Variants in INTS6L observed in about 807,000 individuals in gnomAD.
INTS6L encodes integrator complex subunit 6-like.
INTS6L carries 18 observed loss-of-function variants against 64.7 expected under a neutral mutation model. The observed-to-expected ratio is 0.28, with a 90% CI of 0.19 to 0.41. The LOEUF (loss-of-function observed/expected upper bound fraction) is 0.41, where lower values mean the gene tolerates loss of function less well. Among genes scored for constraint, INTS6L ranks in the 10% least tolerant of loss-of-function variants. The pLI is 1.00. For missense variants in INTS6L, 533 were observed against 661.0 expected (o/e 0.81, Z 2.12); for synonymous variants, 227 against 235.9 (o/e 0.96, Z 0.34).
In INTS6L at chrX:135,574,082, C is replaced by CT. The variant is rs781864864; in HGVS notation, c.1741+35dup. 0.061 allele frequency: 55,231 copies of CT among 900,651 alleles called. 76 individuals are homozygous for CT. Among genetic ancestry groups the CT allele is most frequent in the African/African-American group, 0.099 (4,508 of 45,515 alleles). 74.2% of individuals were successfully genotyped at this position (900,651 alleles called of 1,213,427 possible). On this transcript the variant is annotated intron_variant, in intron 13 of 17. Coordinates refer to ENST00000639893, the MANE Select transcript of INTS6L (RefSeq NM_001351601.3). ...ATGAAGGTAAAATAACTGTGAAATA[C>CT]TTTTTTTTTTTTTTTGGAAAATGCC...
intron 2 of INTS6L, among the ~76,000 whole-genome samples, chrX:135,538,782 G>C (rs1176821628): frequency 8.9e-6 from 1 of 112,455 alleles, no homozygotes; most frequent in Non-Finnish European, 1.9e-5. Flanking sequence ...TGTTGTGTTA[G>C]CAGGCATGAC....
At chrX:135,571,655 A>G (rs1333056536) in intron 11 of INTS6L, 2 of 111,655 alleles carry the variant, frequency 1.8e-5, no homozygotes, top group Non-Finnish European at 3.8e-5. Context: ...CTGCTAATAG[A>G]TTTTTTGTGG....
intron 15 of INTS6L, among the ~76,000 whole-genome samples, chrX:135,579,150 C>T (rs2087307736): frequency 8.9e-6 from 1 of 111,947 alleles, no homozygotes; most frequent in Non-Finnish European, 1.9e-5. Flanking sequence ...GGGCAGGGAA[C>T]GTTGCTCTGG....
chrX:135,581,923 A>G lies in INTS6L; in HGVS notation c.*287A>G. 4.4e-6 allele frequency: 1 copy of G among 228,555 alleles called. No homozygotes were observed. Among genetic ancestry groups the G allele is most frequent in the South Asian group, 7.6e-5 (1 of 13,097 alleles). The allele number at this position is 228,555 out of a possible 1,213,427, so 18.8% of individuals were successfully genotyped here. A position where few individuals can be genotyped will look rare whatever the true frequency, so the allele number is the denominator to read the frequency against. On this transcript the variant is annotated 3_prime_UTR_variant, in exon 18 of 18. Transcript: ENST00000639893. ...AAACACCACTGCCCCTACCACGGGT[A>G]ATGAGAGGTCACTCACTTGAACTTT...
chrX:135,555,844 C>T (rs1001296512), intron 8 of INTS6L, among the ~76,000 whole-genome samples: 2 of 111,185 alleles, frequency 1.8e-5, no homozygotes, highest in Middle Eastern at 4.6e-3. Flanking sequence ...CGTGCCACCA[C>T]ACTTGGCTAA....
At chrX:135,551,721 G>A (rs781862283) in intron 7 of INTS6L, among the ~76,000 whole-genome samples, 1 of 110,737 alleles carries the variant, frequency 9.0e-6, no homozygotes, top group African/African-American at 3.3e-5. Context: ...ATTCAAAACA[G>A]TTTTTTTTCA....
At chrX:135,530,566 C>T (rs1476644707) in intron 2 of INTS6L, among the ~76,000 whole-genome samples, 1 of 112,358 alleles carries the variant, frequency 8.9e-6, no homozygotes, top group African/African-American at 3.2e-5. Context: ...TCCACAGTAG[C>T]CATTTGTTTT....
At chrX:135,576,807 G>A (rs782033992) in intron 14 of INTS6L, among the ~76,000 whole-genome samples, 211 of 112,629 alleles carry the variant, frequency 1.9e-3, no homozygotes, top group Non-Finnish European at 3.3e-3. Context: ...CCCTTATGAA[G>A]AGTTGATGCA....
intron 9 of INTS6L, among the ~76,000 whole-genome samples, chrX:135,561,647 T>C (rs1411823175): frequency 1.8e-5 from 2 of 112,622 alleles, no homozygotes; most frequent in East Asian, 5.5e-4. Context: ...TGAGTGAAAC[T>C]ATCTGGTTCT....
chrX:135,556,042 C>A, intron 8 of INTS6L, 126 bp from the exon 9 acceptor site: 1 of 701,889 alleles, frequency 1.4e-6, no homozygotes, highest in Non-Finnish European at 2.0e-6. Flanking sequence ...AGGCTAAAAA[C>A]ACTATTGCTA....
At chrX:135,570,176 A>G in intron 10 of INTS6L, 1 of 233,261 alleles carries the variant, frequency 4.3e-6, no homozygotes, top group East Asian at 7.1e-5. Context: ...TGATTTGGGA[A>G]ATAAGATTGA....
At chrX:135,521,798 C>T (rs1162001661) in intron 2 of INTS6L, among the ~76,000 whole-genome samples, 2 of 108,366 alleles carry the variant, frequency 1.8e-5, no homozygotes, top group Non-Finnish European at 3.9e-5. Flanking sequence ...CCCCGAGGTC[C>T]TGCCGGCCGG....
chrX:135,548,032 T>C, intron 6 of INTS6L, among the ~76,000 whole-genome samples: 1 of 78,288 alleles, frequency 1.3e-5, no homozygotes, highest in South Asian at 7.5e-4. Flanking sequence ...TGTATATGTA[T>C]GTAAATGTGT....
At chrX:135,550,176 C>T (rs1055933677) in intron 7 of INTS6L, among the ~76,000 whole-genome samples, 4 of 112,214 alleles carry the variant, frequency 3.6e-5, no homozygotes, top group African/African-American at 1.3e-4. Flanking sequence ...TCATGCACAG[C>T]CTCAGGAAGT....
At chrX:135,546,550 C>T in intron 4 of INTS6L, 81 bp downstream of exon 4, 8 of 992,514 alleles carry the variant, frequency 8.1e-6, no homozygotes, top group Non-Finnish European at 1.1e-5. Flanking sequence ...TTCCAGTTAA[C>T]AGTAAGTTTG....
intron 6 of INTS6L, among the ~76,000 whole-genome samples, chrX:135,548,229 T>C (rs1158607993): frequency 9.0e-6 from 1 of 111,020 alleles, no homozygotes; most frequent in Non-Finnish European, 1.9e-5. Flanking sequence ...TTTGTTGTTG[T>C]TGTTATTGTT....
In INTS6L at chrX:135,579,948, T is replaced by G; in HGVS notation, c.2280T>G (p.Ser760Arg). The change falls in exon 16 of 18, where the codon AGT becomes AGG. Residue 760 changes from serine (S) to arginine (R), a missense_variant. Coordinates refer to ENST00000639893, the MANE Select transcript of INTS6L (RefSeq NM_001351601.3). Reference protein sequence around the residue: ...QVDSLSDDFTSLSKDGLIQKP... With the variant: ...QVDSLSDDFTRLSKDGLIQKP... The stretch of plus-strand genomic sequence containing the variant: ...ATTCTCTGTCTGACGACTTCACAAG[T>G]CTCAGCAAAGATGGGCTGATTCAAA... 8.3e-7 allele frequency: 1 copy of G among 1,211,692 alleles called. No individual in the cohort carries two copies.
Position 135,573,966 on chromosome X carries a change from G to A in INTS6L, c.1645G>A (p.Ala549Thr), listed in dbSNP as rs782148151. The A allele has an allele frequency of 5.0e-6, 6 of 1,200,468 alleles. No individual in the cohort carries two copies. Among genetic ancestry groups the A allele is most frequent in the Non-Finnish European group, 6.7e-6 (6 of 891,952 alleles). Residue 549 changes from alanine (A) to threonine (T), a missense_variant, in exon 13 of 18, where the codon GCT (alanine) becomes ACT (threonine). By Grantham distance (58) the Ala-to-Thr change is moderately conservative. Coordinates refer to ENST00000639893, the MANE Select transcript of INTS6L (RefSeq NM_001351601.3). Reference sequence around the variant, plus strand: ...TTTGAAACCTCAGACATACAGAAATGCTTATGATATTCCCCGTAGAGGTCT... The same window carrying A: ...TTTGAAACCTCAGACATACAGAAATACTTATGATATTCCCCGTAGAGGTCT... ...KDLKPQTYRN[A>T]YDIPRRGLLD...
At chrX:135,575,785 A>AGTGTGT (rs10636685) in intron 14 of INTS6L, among the ~76,000 whole-genome samples, 38 of 99,847 alleles carry the variant, frequency 3.8e-4, no homozygotes, top group South Asian at 9.8e-4. Context: ...AAATGTGGGG[A>AGTGTGT]GTGTGTGTGT....
Sources: gnomAD v4.1 joint callset for allele counts (sites outside exome capture counted in the v4.1 genomes callset) on GRCh38, gnomAD v4.1.1 for gene constraint, MANE v1.5 for transcripts, NCBI Gene and HGNC (gene_info 2026-07-23, HGNC 2026-07-21) for gene names.